Variants in ATRNL1 observed in about 807,000 individuals in gnomAD.
ATRNL1 encodes attractin like 1.
A neutral mutation model predicts 182.7 loss-of-function variants in ATRNL1; 95 were observed. That is an observed-to-expected ratio of 0.52 (90% CI 0.44 to 0.62). The LOEUF (loss-of-function observed/expected upper bound fraction) is 0.62. Ranked by LOEUF, ATRNL1 falls within the 20% of genes least tolerant of loss-of-function variation. ATRNL1 has a pLI of 0.00. For synonymous variants in ATRNL1, 576 were observed against 568.3 expected, an observed-to-expected ratio of 1.01 and a Z score of -0.19; for missense variants, 1,471 against 1,679.5, an observed-to-expected ratio of 0.88 and a Z score of 2.17.
intron 28 of ATRNL1, among the ~76,000 whole-genome samples, chr10:115,855,147 C>T: frequency 6.6e-6 from 1 of 152,274 alleles, no homozygotes; most frequent in South Asian, 2.1e-4. Context: ...TCATGTATAA[C>T]ATTAGAAAAA....
chr10:115,466,155 G>C (rs1257545805), intron 22 of ATRNL1, among the ~76,000 whole-genome samples: 1 of 151,342 alleles, frequency 6.6e-6, no homozygotes, highest in Non-Finnish European at 1.5e-5. Context: ...TATCAGAAAA[G>C]GGGAATTTAG....
intron 24 of ATRNL1, among the ~76,000 whole-genome samples, chr10:115,503,763 G>T (rs1554980590): frequency 6.6e-6 from 1 of 151,270 alleles, no homozygotes; most frequent in Non-Finnish European, 1.5e-5. Context: ...TGGACTTTCT[G>T]GTTTGTCCTG....
intron 15 of ATRNL1, among the ~76,000 whole-genome samples, chr10:115,295,356 C>G (rs1462489159): frequency 3.3e-5 from 5 of 152,056 alleles, no homozygotes; most frequent in African/African-American, 1.2e-4. Flanking sequence ...CCAGGATATG[C>G]TTATATGGCT....
At chr10:115,632,771 T>C (rs1858596374) in intron 26 of ATRNL1, among the ~76,000 whole-genome samples, 1 of 152,122 alleles carries the variant, frequency 6.6e-6, no homozygotes, top group African/African-American at 2.4e-5. Context: ...AAACACACAA[T>C]TTTTTGGTAA....
chr10:115,723,318 T>C (rs1410783566), intron 26 of ATRNL1, among the ~76,000 whole-genome samples: 1 of 152,102 alleles, frequency 6.6e-6, no homozygotes, highest in Non-Finnish European at 1.5e-5. Context: ...ACTGCTTTGT[T>C]TTTTATGTAT....
At chr10:115,160,787 T>C (rs1466429200) in intron 6 of ATRNL1, among the ~76,000 whole-genome samples, 1 of 151,896 alleles carries the variant, frequency 6.6e-6, no homozygotes, top group Non-Finnish European at 1.5e-5. Context: ...TTATGAACTG[T>C]TTAGTAACAA....
At chr10:115,616,865 G>C (rs1162692355) in intron 26 of ATRNL1, among the ~76,000 whole-genome samples, 1 of 152,228 alleles carries the variant, frequency 6.6e-6, no homozygotes, top group Non-Finnish European at 1.5e-5. Flanking sequence ...GCAGAAGCTG[G>C]CTGGACTGCA....
intron 13 of ATRNL1, among the ~76,000 whole-genome samples, chr10:115,272,456 A>G (rs1554913473): frequency 1.3e-5 from 2 of 152,174 alleles, no homozygotes; most frequent in African/African-American, 4.8e-5. Context: ...TTAATTTCCA[A>G]TTCTATGGAA....
chr10:115,483,917 CTAAT>C (rs1350142124), intron 24 of ATRNL1, among the ~76,000 whole-genome samples: 2 of 151,412 alleles, frequency 1.3e-5, no homozygotes, highest in African/African-American at 4.8e-5. Context: ...TGCTTTTAGG[CTAAT>C]TGTTTGTGAG....
chr10:115,284,513 A>G (rs1852515306), intron 14 of ATRNL1, among the ~76,000 whole-genome samples: 1 of 152,206 alleles, frequency 6.6e-6, no homozygotes, highest in Non-Finnish European at 1.5e-5. Flanking sequence ...TGATAATTAT[A>G]GTTTATTGAG....
chr10:115,537,847 C>G (rs1162202110), intron 25 of ATRNL1, among the ~76,000 whole-genome samples: 1 of 152,076 alleles, frequency 6.6e-6, no homozygotes, highest in Non-Finnish European at 1.5e-5. Context: ...AATGCCAAAG[C>G]CCCAGTGAAT....
intron 20 of ATRNL1, among the ~76,000 whole-genome samples, chr10:115,398,420 A>G (rs1592595253): frequency 6.6e-6 from 1 of 151,996 alleles, no homozygotes; most frequent in East Asian, 1.9e-4. Context: ...TTTTCCTTGT[A>G]GAGATCTTTC....
At chr10:115,790,635 T>TAA (rs34894694) in intron 27 of ATRNL1, among the ~76,000 whole-genome samples, 6,166 of 140,028 alleles carry the variant, frequency 0.044, 323 homozygotes, top group African/African-American at 0.13. Flanking sequence ...TAACTTGACT[T>TAA]AAAAAAAAAA....
chr10:115,589,907 T>G (rs2133913940), intron 26 of ATRNL1, among the ~76,000 whole-genome samples: 1 of 152,332 alleles, frequency 6.6e-6, no homozygotes, highest in Non-Finnish European at 1.5e-5. Flanking sequence ...GAGGCCATCT[T>G]CATTGCTCTT....
At chr10:115,856,562 G>A (rs887034443) in intron 28 of ATRNL1, among the ~76,000 whole-genome samples, 6 of 151,922 alleles carry the variant, frequency 3.9e-5, no homozygotes, top group African/African-American at 7.2e-5. Context: ...GACGGGTTTC[G>A]TGGAAGACAA....
chr10:115,366,235 G>A (rs1334310138), intron 19 of ATRNL1, among the ~76,000 whole-genome samples: 3 of 152,064 alleles, frequency 2.0e-5, no homozygotes, highest in Non-Finnish European at 4.4e-5. Context: ...AGGATAGTTA[G>A]CTCTTCTTGT....
At chr10:115,733,881 A>G (rs1947872561) in intron 27 of ATRNL1, among the ~76,000 whole-genome samples, 1 of 152,148 alleles carries the variant, frequency 6.6e-6, no homozygotes, top group African/African-American at 2.4e-5. Flanking sequence ...AAAATATTTC[A>G]TTATCCCATT....
chr10:115,696,708 A>G (rs1249417292), intron 26 of ATRNL1, among the ~76,000 whole-genome samples: 1 of 152,142 alleles, frequency 6.6e-6, no homozygotes, highest in Non-Finnish European at 1.5e-5. Context: ...AGCCTGTATC[A>G]GTCCATTTTC....
intron 20 of ATRNL1, among the ~76,000 whole-genome samples, chr10:115,420,445 G>A (rs563384470): frequency 2.0e-5 from 3 of 152,052 alleles, no homozygotes; most frequent in South Asian, 4.2e-4. Flanking sequence ...AACTGTATAC[G>A]TACATGGAAA....
Sources: gnomAD v4.1 joint callset for allele counts (sites outside exome capture counted in the v4.1 genomes callset) on GRCh38, gnomAD v4.1.1 for gene constraint, MANE v1.5 for transcripts, NCBI Gene and HGNC (gene_info 2026-07-23, HGNC 2026-07-21) for gene names.